SLC22A5: variants seen among roughly 807,000 people sequenced by gnomAD.
The protein encoded by SLC22A5 is organic cation/carnitine transporter 2.
Under a neutral mutation model 56.7 loss-of-function variants are expected in SLC22A5, and 44 were observed. That is an observed-to-expected ratio of 0.78 (90% confidence interval 0.61 to 1.00). The LOEUF (loss-of-function observed/expected upper bound fraction) is 1.00. SLC22A5 is among the 50% of genes least tolerant of loss of function. The pLI is 0.00. For synonymous variants in SLC22A5, 278 were observed against 292.1 expected (o/e 0.95, Z 0.49); for missense variants, 675 against 723.0 (o/e 0.93, Z 0.76).
chr5:132,394,387 G>C lies in SLC22A5; in HGVS notation c.*115G>C. 1 of 845,344 alleles carries C rather than the reference G, an allele frequency of 1.2e-6. No homozygotes were observed. The allele number at this position is 845,344 out of a possible 1,614,324, so 52.4% of individuals were successfully genotyped here. On this transcript the variant is annotated 3_prime_UTR_variant, in exon 10 of 10. Coordinates refer to ENST00000245407, the MANE Select transcript of SLC22A5 (RefSeq NM_003060.4). ...AAAGGCCTTTGCTGTTTGTCCTCTTGACCTGTGTCTGACTTGCTCCTGGAT... is the reference window on the plus strand; with the variant it reads ...AAAGGCCTTTGCTGTTTGTCCTCTTCACCTGTGTCTGACTTGCTCCTGGAT...
chr5:132,393,055 T>A lies in SLC22A5; in HGVS notation c.1450+440T>A, dbSNP rs113941831. On this transcript the variant is annotated intron_variant, in intron 8 of 9. Transcript: ENST00000245407. Reference sequence around the variant, plus strand: ...ATAACCTAGAGCACTATAGAGTGATTTTATCTTGTGTGAAGATCCACCCCA... The same window carrying A: ...ATAACCTAGAGCACTATAGAGTGATATTATCTTGTGTGAAGATCCACCCCA... 7.9e-3 allele frequency among the ~76,000 whole-genome samples: 1,202 copies of A among 152,280 alleles called. 21 individuals carry two copies. Among genetic ancestry groups the A allele is most frequent in the African/African-American group, 0.028 (1,156 of 41,546 alleles).
intron 6 of SLC22A5, 40 bp from the exon 7 acceptor site, chr5:132,390,650 G>A: frequency 7.1e-7 from 1 of 1,400,068 alleles, no homozygotes; most frequent in Non-Finnish European, 1.0e-6. Flanking sequence ...GGAAAGATGT[G>A]GATACTGCTT....
chr5:132,389,270 C>A, intron 6 of SLC22A5: 1 of 460,094 alleles, frequency 2.2e-6, no homozygotes, highest in Non-Finnish European at 4.0e-6. Context: ...TGGGGAATCT[C>A]TCCAGATCTT....
chr5:132,372,850 A>T (rs950171694), intron 1 of SLC22A5, among the ~76,000 whole-genome samples: 4 of 152,174 alleles, frequency 2.6e-5, no homozygotes, highest in Non-Finnish European at 5.9e-5. Flanking sequence ...TGACCACTGC[A>T]TCTAGTCCCA....
At position 132,369,860 on chromosome 5, in the gene SLC22A5, T is replaced by C. The variant is rs2126764382; in HGVS notation, c.-113T>C. ...CGAGCCTACCCTCCGCGGACGGTCT[T>C]GGGTCGCCTGCTGCCTGGCTTGCCT... On this transcript the variant is annotated 5_prime_UTR_variant, in exon 1 of 10. Transcript: ENST00000245407. 12 of 1,425,698 alleles carry C rather than the reference T, an allele frequency of 8.4e-6. No individual in the cohort carries two copies. Among genetic ancestry groups the C allele is most frequent in the Admixed American group, 2.3e-5 (1 of 43,800 alleles). 88.3% of individuals were successfully genotyped at this position (1,425,698 alleles called of 1,614,324 possible). A position where few individuals can be genotyped will look rare whatever the true frequency, so the allele number is the denominator to read the frequency against.
chr5:132,394,434 A>G lies in SLC22A5; in HGVS notation c.*162A>G, dbSNP rs370616549. The G allele has an allele frequency of 1.5e-4, 101 of 689,386 alleles. 1 individual carries two copies. The highest frequency in any genetic ancestry group is 9.2e-4 in the Admixed American group (40 of 43,488). The allele number at this position is 689,386 out of a possible 1,614,324, so 42.7% of individuals were successfully genotyped here. A position where few individuals can be genotyped will look rare whatever the true frequency, so the allele number is the denominator to read the frequency against. On this transcript the variant is annotated 3_prime_UTR_variant, in exon 10 of 10. Transcript: ENST00000245407. ...GGATGGGCACCCACACTCAGAGGCT[A>G]CATATGGCCCTAGAGCACCACCTTC... is the stretch of plus-strand genomic sequence containing the variant.
intron 1 of SLC22A5, among the ~76,000 whole-genome samples, chr5:132,371,078 C>G (rs1445967785): frequency 6.6e-6 from 1 of 151,368 alleles, no homozygotes; most frequent in Non-Finnish European, 1.5e-5. Context: ...CTTCCGGGCT[C>G]AAGTGATTCT....
At chr5:132,387,359 C>T (rs1752570167) in intron 5 of SLC22A5, among the ~76,000 whole-genome samples, 1 of 151,460 alleles carries the variant, frequency 6.6e-6, no homozygotes. Flanking sequence ...ACAGCTGCCT[C>T]ACTCTTTTCA....
chr5:132,372,484 C>T (rs1311350042), intron 1 of SLC22A5, among the ~76,000 whole-genome samples: 1 of 152,206 alleles, frequency 6.6e-6, no homozygotes, highest in Admixed American at 6.5e-5. Context: ...TGCCTCCATC[C>T]CACATTGGGC....
intron 1 of SLC22A5, among the ~76,000 whole-genome samples, chr5:132,374,273 C>T (rs551452332): frequency 5.3e-5 from 8 of 152,116 alleles, no homozygotes; most frequent in Non-Finnish European, 1.0e-4. Context: ...CATCGCCTTG[C>T]TCTCCACCTG....
At position 132,392,428 on chromosome 5, in the gene SLC22A5, T is replaced by C; in HGVS notation, c.1268-5T>C. On this transcript the variant is annotated splice_region_variant and splice_polypyrimidine_tract_variant and intron_variant, in intron 7 of 9. Transcript: ENST00000245407. ...ACTCCTACCCTCTTTCCTTTGCTTCTCCAGACTTGTATTATTTGGCTACAG... is the reference window on the plus strand; with the variant it reads ...ACTCCTACCCTCTTTCCTTTGCTTCCCCAGACTTGTATTATTTGGCTACAG... 1.2e-6 allele frequency: 2 copies of C among 1,614,094 alleles called. No individual in the cohort carries two copies. The highest frequency in any genetic ancestry group is 2.2e-5 in the East Asian group (1 of 44,892).
At chr5:132,391,024 A>T (rs1346223824) in intron 7 of SLC22A5, 120 bp downstream of exon 7, 2 of 805,152 alleles carry the variant, frequency 2.5e-6, no homozygotes, top group African/African-American at 3.4e-5. Context: ...GCTTATATAC[A>T]TTCTTGGCCT....
At chr5:132,370,970 CAG>C (rs1265819969) in intron 1 of SLC22A5, among the ~76,000 whole-genome samples, 1 of 62,570 alleles carries the variant, frequency 1.6e-5, no homozygotes, top group African/African-American at 4.6e-5. Context: ...TTTTTTGAGA[CAG>C]AGTCTCCCTC....
At chr5:132,373,391 C>A (rs1334831453) in intron 1 of SLC22A5, among the ~76,000 whole-genome samples, 1 of 152,192 alleles carries the variant, frequency 6.6e-6, no homozygotes, top group Non-Finnish European at 1.5e-5. Context: ...AATCCCAGCA[C>A]TTTGGGAAGC....
In SLC22A5 at chr5:132,389,308, AT is replaced by A. The variant is rs530818574; in HGVS notation, c.1052+290del. ...GATGAATCCTTGCCCAATTTGGGTC[AT>A]TTAGTTCCCGTCTCCTACCCAGTTA... On this transcript the variant is annotated intron_variant, in intron 6 of 9. Coordinates refer to ENST00000245407, the MANE Select transcript of SLC22A5 (RefSeq NM_003060.4). The A allele has an allele frequency of 3.6e-3, 1,456 of 399,366 alleles. 9 individuals carry two copies. The highest frequency in any genetic ancestry group is 5.5e-3 in the Non-Finnish European group (1,153 of 210,304). 24.7% of individuals were successfully genotyped at this position (399,366 alleles called of 1,614,324 possible). A position where few individuals can be genotyped will look rare whatever the true frequency, so the allele number is the denominator to read the frequency against.
At chr5:132,384,004 C>T (rs78399358) in intron 2 of SLC22A5, 143 bp from the exon 3 acceptor site, 4 of 821,304 alleles carry the variant, frequency 4.9e-6, no homozygotes, top group South Asian at 1.4e-5. Flanking sequence ...ACTGTGAGAC[C>T]GAGACTGTCC....
Position 132,394,346 on chromosome 5 carries a change from G to C in SLC22A5, c.*74G>C. On this transcript the variant is annotated 3_prime_UTR_variant, in exon 10 of 10. Transcript: ENST00000245407. ...GAAATGGCCAGCTTGTGCAGACTCC[G>C]AGTCCTTCAGTGACAAAAGGCCTTT... is the stretch of plus-strand genomic sequence containing the variant. 9.4e-7 allele frequency: 1 copy of C among 1,065,452 alleles called. No individual in the cohort carries two copies. Among genetic ancestry groups the C allele is most frequent in the South Asian group, 1.3e-5 (1 of 78,696 alleles). 66.0% of individuals were successfully genotyped at this position (1,065,452 alleles called of 1,614,324 possible).
intron 1 of SLC22A5, chr5:132,378,074 G>C (rs1384017209): frequency 3.3e-5 from 51 of 1,529,476 alleles, no homozygotes; most frequent in Non-Finnish European, 4.4e-5. Flanking sequence ...CAGATTTTTA[G>C]GAGCAAGCGT....
chr5:132,369,827 T>C lies in SLC22A5; in HGVS notation c.-146T>C, dbSNP rs1338260764. The C allele has an allele frequency of 2.9e-6, 3 of 1,027,714 alleles. No homozygotes were observed. The highest frequency in any genetic ancestry group is 1.4e-6 in the Non-Finnish European group (1 of 736,076). 63.7% of individuals were successfully genotyped at this position (1,027,714 alleles called of 1,614,324 possible). On this transcript the variant is annotated 5_prime_UTR_variant, in exon 1 of 10. Coordinates refer to ENST00000245407, the MANE Select transcript of SLC22A5 (RefSeq NM_003060.4). Reference sequence around the variant, plus strand: ...CCGCGGCAGGACCAAGGCGGCGGTGTCAGCTCGCGAGCCTACCCTCCGCGG... The same window carrying C: ...CCGCGGCAGGACCAAGGCGGCGGTGCCAGCTCGCGAGCCTACCCTCCGCGG...
Sources: gnomAD v4.1 joint callset for allele counts (sites outside exome capture counted in the v4.1 genomes callset) on GRCh38, gnomAD v4.1.1 for gene constraint, MANE v1.5 for transcripts, NCBI Gene and HGNC (gene_info 2026-07-23, HGNC 2026-07-21) for gene names.